Variants in ANK1 observed in about 807,000 individuals in gnomAD.
ANK1 encodes ankyrin-1.
Under a neutral mutation model 210.4 loss-of-function variants are expected in ANK1, and 51 were observed. The observed-to-expected ratio is 0.24, with a 90% CI of 0.19 to 0.31. ANK1 has a LOEUF of 0.31. Ranked by LOEUF, ANK1 falls within the 10% of genes least tolerant of loss-of-function variation. ANK1 has a pLI of 1.00. For missense variants in ANK1, 2,051 were observed against 2,504.4 expected (o/e 0.82, Z 3.86); for synonymous variants, 967 against 1,025.9 (o/e 0.94, Z 1.10).
intron 18 of ANK1, among the ~76,000 whole-genome samples, chr8:41,705,426 A>C (rs1563500150): frequency 6.6e-6 from 1 of 152,216 alleles, no homozygotes; most frequent in Non-Finnish European, 1.5e-5. Flanking sequence ...GCAGTTGGAG[A>C]CAAAACACAA....
intron 3 of ANK1, among the ~76,000 whole-genome samples, chr8:41,733,689 A>G (rs1266870079): frequency 6.6e-6 from 1 of 152,310 alleles, no homozygotes; most frequent in East Asian, 1.9e-4. Context: ...GCCCTTGGAC[A>G]CTGAGTTCGA....
At chr8:41,715,589 C>T (rs932413387) in intron 14 of ANK1, 63 bp downstream of exon 14, 28 of 1,590,260 alleles carry the variant, frequency 1.8e-5, no homozygotes, top group Admixed American at 3.4e-5. Flanking sequence ...AATTCCCCTC[C>T]GAGCTCCAGG....
Position 41,672,861 on chromosome 8 carries a change from G to T in ANK1, c.4589C>A (p.Ala1530Glu). 6.2e-7 allele frequency: 1 copy of T among 1,609,568 alleles called. No homozygotes were observed. The highest frequency in any genetic ancestry group is 8.5e-7 in the Non-Finnish European group (1 of 1,179,940). ...ELLSPASLGCALSSPLRADQY... is the reference protein window; with the variant it reads ...ELLSPASLGCELSSPLRADQY... ...GTCTGCACGTAGCGGAGAGGAAAGT[G>T]CACAGCCCAGGGAGGCAGGGGACAG... The change falls in exon 38 of 43, where the codon GCA (alanine) becomes GAA (glutamate). Residue 1530 changes from alanine (A) to glutamate (E), a missense_variant. Physicochemically the swap from Ala to Glu is moderately radical, Grantham distance 107. This residue lies in a region of ANK1 where 496 missense variants were observed against 533.4 expected (regional missense o/e 0.93). Transcript: ENST00000289734.
At chr8:41,721,692 A>C (rs1829328511) in intron 9 of ANK1, among the ~76,000 whole-genome samples, 1 of 147,904 alleles carries the variant, frequency 6.8e-6, no homozygotes, top group Non-Finnish European at 1.5e-5. Context: ...AAAAGAACCA[A>C]CCCTGCTGAC....
intron 1 of ANK1, among the ~76,000 whole-genome samples, chr8:41,786,609 C>A (rs72640331): frequency 6.6e-6 from 1 of 152,192 alleles, no homozygotes; most frequent in Non-Finnish European, 1.5e-5. Flanking sequence ...TTAAGTACCA[C>A]TTTGTGCCTG....
intron 1 of ANK1, among the ~76,000 whole-genome samples, chr8:41,873,033 A>G (rs1815861904): frequency 6.6e-6 from 1 of 152,244 alleles, no homozygotes; most frequent in Non-Finnish European, 1.5e-5. Context: ...TGCAGAGGGG[A>G]AGGCTGAAGC....
chr8:41,823,422 T>C (rs1804816083), intron 1 of ANK1, among the ~76,000 whole-genome samples: 1 of 152,224 alleles, frequency 6.6e-6, no homozygotes, highest in Admixed American at 6.5e-5. Context: ...GTAGTTGTAT[T>C]TTCTAAATGT....
At chr8:41,852,419 G>GC (rs1811426157) in intron 1 of ANK1, among the ~76,000 whole-genome samples, 3 of 152,194 alleles carry the variant, frequency 2.0e-5, no homozygotes, top group Admixed American at 6.5e-5. Context: ...CTTGCGAGAG[G>GC]CTCTGCTGAT....
At chr8:41,800,507 C>T (rs1013838416), upstream of ANK1, among the ~76,000 whole-genome samples, 6 of 152,046 alleles carry the variant, frequency 3.9e-5, no homozygotes, top group East Asian at 1.2e-3. Context: ...ATATCTATAC[C>T]CATCTGGAAG....
intron 6 of ANK1, 25 bp downstream of exon 6, chr8:41,725,736 G>C (rs748582388): frequency 1.9e-6 from 3 of 1,601,474 alleles, no homozygotes; most frequent in African/African-American, 2.7e-5. Context: ...GCGGCCCAAG[G>C]CTCCTCCCTC....
At chr8:41,693,817 G>A (rs1450925841) in intron 29 of ANK1, 81 bp downstream of exon 29, 18 of 1,469,338 alleles carry the variant, frequency 1.2e-5, no homozygotes, top group East Asian at 4.9e-5. Context: ...TGCTGGCCTC[G>A]CCTTCTCGAG....
intron 2 of ANK1, among the ~76,000 whole-genome samples, chr8:41,744,835 G>A (rs1449146591): frequency 2.6e-5 from 4 of 152,154 alleles, no homozygotes; most frequent in Non-Finnish European, 4.4e-5. Context: ...GCGCCCGATG[G>A]GAGCATGATT....
At chr8:41,729,707 A>G (rs1196602891) in intron 3 of ANK1, among the ~76,000 whole-genome samples, 2 of 152,202 alleles carry the variant, frequency 1.3e-5, no homozygotes, top group Non-Finnish European at 2.9e-5. Context: ...CTTTTTTGAT[A>G]TTAAACAACA....
intron 1 of ANK1, among the ~76,000 whole-genome samples, chr8:41,886,717 C>T (rs1563966331): frequency 6.6e-6 from 1 of 152,068 alleles, no homozygotes; most frequent in Non-Finnish European, 1.5e-5. Context: ...GTGCAGGATG[C>T]AGGAAAGACA....
chr8:41,854,556 G>A (rs1446456793), intron 1 of ANK1, among the ~76,000 whole-genome samples: 1 of 152,156 alleles, frequency 6.6e-6, no homozygotes, highest in Non-Finnish European at 1.5e-5. Flanking sequence ...GAGTGGTGGT[G>A]AAAAGGGAGA....
At position 41,819,454 on chromosome 8, in the gene ANK1, C is replaced by G. The variant is rs547384381; in HGVS notation, c.127-61317G>C. Among the ~76,000 whole-genome samples the G allele has an allele frequency of 3.0e-4, 45 of 152,322 alleles. 1 individual carries two copies. The South Asian group carries it at 5.8e-3, about 20-fold the overall frequency. On this transcript the variant is annotated intron_variant, in intron 1 of 42. Transcript: ENST00000265709. The stretch of plus-strand genomic sequence containing the variant: ...CATTCCCACAGACAGACGAAGAAAG[C>G]TAAGACCTTCATTGCCACAGGTGGA...
rs754037899 is a variant in ANK1 at position 41,896,327 on chromosome 8, C to T, written c.126+28G>A. The T allele has an allele frequency of 2.7e-5, 42 of 1,582,180 alleles. No homozygotes were observed. In the Admixed American group the frequency reaches 7.1e-4, roughly 27 times the overall value. On this transcript the variant is annotated intron_variant, in intron 1 of 42. Coordinates refer to the ANK1 transcript ENST00000265709. The stretch of plus-strand genomic sequence containing the variant: ...CAGCCACTTGCAGGTGCCGCGGTCG[C>T]TGGGCTTTCACCGCCGCCCCCTCCT...
chr8:41,685,447 G>A (rs1407460238), intron 36 of ANK1, among the ~76,000 whole-genome samples: 1 of 152,176 alleles, frequency 6.6e-6, no homozygotes, highest in Non-Finnish European at 1.5e-5. Flanking sequence ...AAAAGAGAAT[G>A]AGGCAAAGCT....
intron 1 of ANK1, among the ~76,000 whole-genome samples, chr8:41,779,441 T>C (rs1210153468): frequency 6.6e-5 from 10 of 151,846 alleles, no homozygotes; most frequent in Non-Finnish European, 1.3e-4. Flanking sequence ...TTTATTGAAA[T>C]GAGGATCTCA....
Sources: allele counts gnomAD v4.1 joint callset (sites outside exome capture counted in the v4.1 genomes callset), GRCh38; gene constraint gnomAD v4.1.1; regional missense constraint gnomAD v4.1.1; transcripts MANE v1.5; gene names NCBI Gene and HGNC (gene_info 2026-07-23, HGNC 2026-07-21).